The following CPEB3 variants were observed in gnomAD, a reference collection of about 807,000 sequenced individuals.
CPEB3 encodes the protein cytoplasmic polyadenylation element-binding protein 3.
In CPEB3, 20 loss-of-function variants were observed where a neutral mutation model predicts 67.2. That is an observed-to-expected ratio of 0.30 (90% CI 0.21 to 0.43). The LOEUF (loss-of-function observed/expected upper bound fraction) is 0.43, where lower values mean the gene tolerates loss of function less well. CPEB3 is among the 20% of genes least tolerant of loss of function. CPEB3 has a pLI of 1.00. For missense variants in CPEB3, 746 were observed against 968.6 expected, an observed-to-expected ratio of 0.77 and a Z score of 3.05; for synonymous variants, 376 against 393.1, an observed-to-expected ratio of 0.96 and a Z score of 0.51.
chr10:92,281,036 AG>A (rs1170122302), intron 1 of CPEB3, among the ~76,000 whole-genome samples: 1 of 152,000 alleles, frequency 6.6e-6, no homozygotes, highest in Non-Finnish European at 1.5e-5. Context: ...CTGGGATTAC[AG>A]GCATGAACCA....
intron 2 of CPEB3, among the ~76,000 whole-genome samples, chr10:92,217,783 AT>A (rs775316357): frequency 1.5e-4 from 23 of 152,350 alleles, no homozygotes; most frequent in Non-Finnish European, 2.4e-4. Context: ...TAAAAAAAAA[AT>A]AAATTCATTT....
At chr10:92,070,671 G>A (rs971278682) in intron 9 of CPEB3, among the ~76,000 whole-genome samples, 16 of 151,944 alleles carry the variant, frequency 1.1e-4, no homozygotes, top group African/African-American at 2.2e-4. Flanking sequence ...CAGCTACTCC[G>A]GAGGCTGAGG....
chr10:92,213,534 A>G (rs1166852985), intron 2 of CPEB3, among the ~76,000 whole-genome samples: 1 of 152,236 alleles, frequency 6.6e-6, no homozygotes, highest in African/African-American at 2.4e-5. Context: ...AGGAGAACAT[A>G]AGATTAATGT....
intron 9 of CPEB3, among the ~76,000 whole-genome samples, chr10:92,079,333 G>A (rs1843051716): frequency 1.3e-5 from 2 of 152,160 alleles, no homozygotes; most frequent in Non-Finnish European, 2.9e-5. Flanking sequence ...ATCAGGCAGA[G>A]AATGAGACAG....
At chr10:92,093,036 G>A (rs1590117957) in intron 7 of CPEB3, among the ~76,000 whole-genome samples, 1 of 152,132 alleles carries the variant, frequency 6.6e-6, no homozygotes, top group African/African-American at 2.4e-5. Flanking sequence ...GAGCCTTTAT[G>A]TACATGGTTT....
intron 1 of CPEB3, among the ~76,000 whole-genome samples, chr10:92,273,485 G>A (rs1853389891): frequency 6.6e-6 from 1 of 151,944 alleles, no homozygotes. Flanking sequence ...CCTCACAAAG[G>A]CCTAAAACTC....
intron 4 of CPEB3, among the ~76,000 whole-genome samples, chr10:92,179,045 A>T (rs1322018220): frequency 6.6e-6 from 1 of 152,178 alleles, no homozygotes; most frequent in Non-Finnish European, 1.5e-5. Context: ...ATCTGTTGCA[A>T]CTATGTGTAA....
At chr10:92,185,860 CTG>C (rs1311449661) in intron 3 of CPEB3, among the ~76,000 whole-genome samples, 1 of 152,070 alleles carries the variant, frequency 6.6e-6, no homozygotes, top group African/African-American at 2.4e-5. Context: ...ATATAGTAAA[CTG>C]TTTTTTAAAT....
At chr10:92,177,483 A>G (rs1032257521) in intron 4 of CPEB3, among the ~76,000 whole-genome samples, 1 of 152,328 alleles carries the variant, frequency 6.6e-6, no homozygotes, top group Non-Finnish European at 1.5e-5. Context: ...TCCTCCATAA[A>G]GGCTGGCCTG....
chr10:92,203,974 T>C (rs753970533), intron 2 of CPEB3, among the ~76,000 whole-genome samples: 2 of 152,186 alleles, frequency 1.3e-5, no homozygotes, highest in Non-Finnish European at 2.9e-5. Context: ...TTATTAACCA[T>C]ATTACCCACA....
At chr10:92,112,058 C>T (rs748694752) in intron 6 of CPEB3, among the ~76,000 whole-genome samples, 32 of 151,202 alleles carry the variant, frequency 2.1e-4, no homozygotes, top group Non-Finnish European at 3.7e-4. Flanking sequence ...TAAGATTTAC[C>T]GAGTAACTGA....
At chr10:92,125,844 C>T (rs1468090925) in intron 6 of CPEB3, among the ~76,000 whole-genome samples, 1 of 152,078 alleles carries the variant, frequency 6.6e-6, no homozygotes, top group Non-Finnish European at 1.5e-5. Flanking sequence ...CCACCGCAGC[C>T]TCCCAAGTAG....
At chr10:92,178,367 C>T (rs923521192) in intron 4 of CPEB3, among the ~76,000 whole-genome samples, 1 of 152,054 alleles carries the variant, frequency 6.6e-6, no homozygotes, top group Non-Finnish European at 1.5e-5. Flanking sequence ...CCACGTTGGC[C>T]AGGCTGGTCT....
At chr10:92,221,849 T>C (rs903179672) in intron 2 of CPEB3, among the ~76,000 whole-genome samples, 1 of 152,084 alleles carries the variant, frequency 6.6e-6, no homozygotes, top group African/African-American at 2.4e-5. Flanking sequence ...GAGACATTGA[T>C]TGAAGGGTGT....
rs575081832 is a variant in CPEB3, at chr10:92,214,769, A to T, written c.1006-22133T>A. Among the ~76,000 whole-genome samples the T allele has an allele frequency of 7.2e-5, 11 of 152,142 alleles. No homozygotes were observed. The South Asian group carries it at 2.3e-3, about 32-fold the overall frequency. ...TCAAAGTGCTGGGATTACATGCATGAGCCACTATGCCTGGCTCAAATTTAT... is the reference window on the plus strand; with the variant it reads ...TCAAAGTGCTGGGATTACATGCATGTGCCACTATGCCTGGCTCAAATTTAT... On this transcript the variant is annotated intron_variant, in intron 2 of 9. Coordinates refer to ENST00000265997, the MANE Select transcript of CPEB3 (RefSeq NM_014912.5).
At position 92,060,672 on chromosome 10, in the gene CPEB3, A is replaced by C. The variant is rs368607143; in HGVS notation, c.1870-8233T>G. 7.2e-4 allele frequency among the ~76,000 whole-genome samples: 110 copies of C among 152,326 alleles called. 1 individual carries two copies. Among genetic ancestry groups the C allele is most frequent in the South Asian group, 6.8e-3 (33 of 4,830 alleles). On this transcript the variant is annotated intron_variant, in intron 9 of 9. Coordinates refer to ENST00000265997, the MANE Select transcript of CPEB3 (RefSeq NM_014912.5). ...GAGCTCAAACAACTCTATAGGAAAAAAATCTAATAAACCAATCAGATATGG... is the reference window on the plus strand; with the variant it reads ...GAGCTCAAACAACTCTATAGGAAAACAATCTAATAAACCAATCAGATATGG...
intron 2 of CPEB3, among the ~76,000 whole-genome samples, chr10:92,198,988 A>G (rs1205631598): frequency 5.9e-5 from 9 of 152,258 alleles, no homozygotes; most frequent in Admixed American, 5.9e-4. Context: ...GTCATTGAAA[A>G]CAGAAAAACT....
At chr10:92,071,166 T>C (rs1368728940) in intron 9 of CPEB3, among the ~76,000 whole-genome samples, 1 of 152,108 alleles carries the variant, frequency 6.6e-6, no homozygotes, top group Non-Finnish European at 1.5e-5. Context: ...GATTGGCTGA[T>C]TCTAGTCTAG....
intron 3 of CPEB3, among the ~76,000 whole-genome samples, chr10:92,187,084 CA>C (rs1848728182): frequency 6.6e-6 from 1 of 152,086 alleles, no homozygotes. Context: ...AAGAAGACCT[CA>C]AAATTCCGTA....
Sources: gnomAD v4.1 joint callset for allele counts (sites outside exome capture counted in the v4.1 genomes callset) on GRCh38, gnomAD v4.1.1 for gene constraint, MANE v1.5 for transcripts, NCBI Gene and HGNC (gene_info 2026-07-23, HGNC 2026-07-21) for gene names.